Variants in OLFM3 observed in about 807,000 individuals in gnomAD.
The protein encoded by OLFM3 is noelin-3.
OLFM3 carries 20 observed loss-of-function variants against 48.6 expected under a neutral mutation model. The observed-to-expected ratio is 0.41, with a 90% CI of 0.29 to 0.60. The LOEUF (loss-of-function observed/expected upper bound fraction) is 0.60, where lower values mean the gene tolerates loss of function less well. Among genes scored for constraint, OLFM3 ranks in the 20% least tolerant of loss-of-function variants. The probability of loss-of-function intolerance (pLI) is 0.28; values close to 1 mark genes in which losing one functional copy is unlikely to be tolerated. For synonymous variants in OLFM3, 222 were observed against 198.1 expected (o/e 1.12, Z -1.01); for missense variants, 437 against 544.3 (o/e 0.80, Z 1.96).
At chr1:101,806,229 T>A (rs1446211165) in intron 4 of OLFM3, 47 bp from the exon 5 acceptor site, 1 of 1,405,280 alleles carries the variant, frequency 7.1e-7, no homozygotes, top group Admixed American at 1.7e-5. Context: ...CAGCCAATGA[T>A]TCCAATACGC....
At chr1:101,825,281 T>A in intron 3 of OLFM3, 36 bp from the exon 4 acceptor site, 1 of 1,509,496 alleles carries the variant, frequency 6.6e-7, no homozygotes, top group Non-Finnish European at 9.2e-7. Flanking sequence ...GAGAGTCATT[T>A]AAAACAGATC....
chr1:101,979,007 C>T (rs978493303), intron 1 of OLFM3, among the ~76,000 whole-genome samples: 7 of 152,068 alleles, frequency 4.6e-5, no homozygotes, highest in South Asian at 4.2e-4. Context: ...TTTCCATTAA[C>T]GTAGTATATT....
intron 1 of OLFM3, among the ~76,000 whole-genome samples, chr1:101,947,468 A>G (rs1399774634): frequency 2.6e-5 from 4 of 152,142 alleles, no homozygotes; most frequent in African/African-American, 9.7e-5. Context: ...GCCATTTAGA[A>G]ATAAAATTGT....
At chr1:101,970,176 C>T (rs1172509407) in intron 1 of OLFM3, among the ~76,000 whole-genome samples, 2 of 152,072 alleles carry the variant, frequency 1.3e-5, no homozygotes, top group Admixed American at 6.6e-5. Context: ...CTACCACACC[C>T]CGCTAATTTT....
intron 1 of OLFM3, among the ~76,000 whole-genome samples, chr1:101,862,676 T>A (rs1656702969): frequency 6.6e-6 from 1 of 152,184 alleles, no homozygotes; most frequent in Non-Finnish European, 1.5e-5. Flanking sequence ...GATTTCCTGA[T>A]CCCACCTCAC....
intron 1 of OLFM3, among the ~76,000 whole-genome samples, chr1:101,839,989 C>T (rs1655630595): frequency 6.6e-6 from 1 of 152,066 alleles, no homozygotes; most frequent in Non-Finnish European, 1.5e-5. Flanking sequence ...GCTTGACAGT[C>T]CTGTGGGTTT....
chr1:101,968,675 T>C (rs1660694769), intron 1 of OLFM3, among the ~76,000 whole-genome samples: 1 of 152,172 alleles, frequency 6.6e-6, no homozygotes, highest in East Asian at 1.9e-4. Context: ...GTTTTCTCAT[T>C]ACCTTCAAAT....
At chr1:101,837,497 T>C (rs1655485383) in intron 1 of OLFM3, among the ~76,000 whole-genome samples, 1 of 152,214 alleles carries the variant, frequency 6.6e-6, no homozygotes, top group Admixed American at 6.5e-5. Flanking sequence ...TATTGAAGCC[T>C]TAATTATTAA....
At chr1:101,838,765 C>T (rs892423283) in intron 1 of OLFM3, among the ~76,000 whole-genome samples, 1 of 152,182 alleles carries the variant, frequency 6.6e-6, no homozygotes, top group African/African-American at 2.4e-5. Flanking sequence ...AAGCTCTAAG[C>T]CACCGCGCTG....
intron 4 of OLFM3, among the ~76,000 whole-genome samples, chr1:101,808,336 A>G (rs951228975): frequency 1.3e-5 from 2 of 150,062 alleles, no homozygotes; most frequent in African/African-American, 4.9e-5. Context: ...CAATTTCCAG[A>G]AGGCAGGGTT....
intron 1 of OLFM3, among the ~76,000 whole-genome samples, chr1:101,957,150 A>G (rs763144361): frequency 6.6e-6 from 1 of 151,994 alleles, no homozygotes; most frequent in African/African-American, 2.4e-5. Flanking sequence ...GAGGCCAAAT[A>G]AAACCAATTA....
chr1:101,810,004 T>C (rs1245294920), intron 4 of OLFM3, among the ~76,000 whole-genome samples: 2 of 151,928 alleles, frequency 1.3e-5, no homozygotes, highest in Non-Finnish European at 2.9e-5. Flanking sequence ...GCCAAAATGT[T>C]TCCAACCATG....
intron 1 of OLFM3, among the ~76,000 whole-genome samples, chr1:101,876,715 T>C (rs1657314807): frequency 6.6e-6 from 1 of 151,970 alleles, no homozygotes. Context: ...TTATACTTCA[T>C]TTTTTATTTT....
At chr1:101,862,791 C>T (rs1418765732) in intron 1 of OLFM3, among the ~76,000 whole-genome samples, 2 of 152,150 alleles carry the variant, frequency 1.3e-5, no homozygotes, top group Admixed American at 6.5e-5. Context: ...ACTCATATAA[C>T]CAAATGACCA....
intron 1 of OLFM3, among the ~76,000 whole-genome samples, chr1:101,846,155 A>G (rs545031590): frequency 1.3e-5 from 2 of 152,346 alleles, no homozygotes; most frequent in South Asian, 4.1e-4. Flanking sequence ...ATACTTTGTT[A>G]GAAAGTAGGG....
chr1:101,942,214 C>T (rs1365547029), intron 1 of OLFM3, among the ~76,000 whole-genome samples: 1 of 152,088 alleles, frequency 6.6e-6, no homozygotes, highest in Non-Finnish European at 1.5e-5. Flanking sequence ...TACACATATA[C>T]AAAATTCAAA....
chr1:101,857,235 T>C (rs906956959), intron 1 of OLFM3, among the ~76,000 whole-genome samples: 1 of 151,988 alleles, frequency 6.6e-6, no homozygotes, highest in Non-Finnish European at 1.5e-5. Context: ...CTACTGAATG[T>C]AAAGAGACTG....
At chr1:101,988,390 A>C (rs1484828507) in intron 1 of OLFM3, among the ~76,000 whole-genome samples, 1 of 152,160 alleles carries the variant, frequency 6.6e-6, no homozygotes, top group Non-Finnish European at 1.5e-5. Context: ...CTACAAGTCA[A>C]AAATAGCACT....
intron 1 of OLFM3, among the ~76,000 whole-genome samples, chr1:101,991,822 G>A (rs1488428581): frequency 6.6e-6 from 1 of 151,258 alleles, no homozygotes; most frequent in Admixed American, 6.6e-5. Context: ...GGGAAGCAGA[G>A]TGGTGAGGTG....
Sources: gnomAD v4.1 joint callset for allele counts (sites outside exome capture counted in the v4.1 genomes callset) on GRCh38, gnomAD v4.1.1 for gene constraint, MANE v1.5 for transcripts, NCBI Gene and HGNC (gene_info 2026-07-23, HGNC 2026-07-21) for gene names.